Variants in NRG3 observed in about 807,000 individuals in gnomAD.
NRG3 encodes neuregulin 3.
A neutral mutation model predicts 66.9 loss-of-function variants in NRG3; 31 were observed. The ratio of observed to expected loss-of-function variants is 0.46; its 90% confidence interval spans 0.35 to 0.63. The LOEUF is 0.63. Ranked by LOEUF, NRG3 falls within the 20% of genes least tolerant of loss-of-function variation. The probability of loss-of-function intolerance (pLI) is 0.00; values close to 1 mark genes in which losing one functional copy is unlikely to be tolerated. For synonymous variants in NRG3, 393 were observed against 359.4 expected, an observed-to-expected ratio of 1.09 and a Z score of -1.06; for missense variants, 910 against 878.9, an observed-to-expected ratio of 1.04 and a Z score of -0.45.
chr10:82,385,761 A>G lies in NRG3; in HGVS notation c.953+26893A>G, dbSNP rs141809453. ...ATACAAATTTTGTTTACAAATATTT[A>G]GTAAGGTGTGTTTATAAAATGGGTT... On this transcript the variant is annotated intron_variant, in intron 2 of 8. Coordinates refer to ENST00000372141, the MANE Select transcript of NRG3 (RefSeq NM_001010848.4). Among the ~76,000 whole-genome samples, 383 of 152,308 alleles carry G rather than the reference A, an allele frequency of 2.5e-3. 11 individuals carry two copies. The East Asian group carries it at 0.058, about 23-fold the overall frequency.
rs570386520 is a variant in NRG3 at position 82,046,300 on chromosome 10, A to G, written c.823+170137A>G. On this transcript the variant is annotated intron_variant, in intron 1 of 8. Coordinates refer to ENST00000372141, the MANE Select transcript of NRG3 (RefSeq NM_001010848.4). ...GTCCTTCATGTCCCTTGTAAATTGG[A>G]TTCCTAGGTATTATATTCTCTTTGA... 1.2e-3 allele frequency among the ~76,000 whole-genome samples: 59 copies of G among 48,768 alleles called. 7 individuals are homozygous for G. The highest frequency in any genetic ancestry group is 2.5e-3 in the African/African-American group (59 of 23,440). The allele number at this position is 48,768 out of a possible 152,430, so 32.0% of individuals were successfully genotyped here. A position where few individuals can be genotyped will look rare whatever the true frequency, so the allele number is the denominator to read the frequency against.
intron 4 of NRG3, among the ~76,000 whole-genome samples, chr10:82,922,546 C>T (rs1303416294): frequency 6.6e-6 from 1 of 152,158 alleles, no homozygotes; most frequent in African/African-American, 2.4e-5. Flanking sequence ...GACCCACCCT[C>T]ATCTTGATAA....
intron 2 of NRG3, among the ~76,000 whole-genome samples, chr10:82,464,991 T>C (rs527532612): frequency 6.6e-6 from 1 of 152,264 alleles, no homozygotes; most frequent in African/African-American, 2.4e-5. Context: ...GCTGCCTGCA[T>C]TGATGGGTCC....
Position 82,910,196 on chromosome 10 carries a change from A to G in NRG3, c.1055-41273A>G, listed in dbSNP as rs141465429. 2.6e-3 allele frequency among the ~76,000 whole-genome samples: 402 copies of G among 152,378 alleles called. 2 individuals carry two copies. The highest frequency in any genetic ancestry group is 9.1e-3 in the African/African-American group (380 of 41,592). ...AAAGACAAATTTGTAAAGACTTGTGATAAATCATCTGCTTATCATGAAGCA... is the reference window on the plus strand; with the variant it reads ...AAAGACAAATTTGTAAAGACTTGTGGTAAATCATCTGCTTATCATGAAGCA... On this transcript the variant is annotated intron_variant, in intron 4 of 8. Coordinates refer to ENST00000372141, the MANE Select transcript of NRG3 (RefSeq NM_001010848.4).
chr10:82,484,103 A>G (rs145512077), intron 2 of NRG3, among the ~76,000 whole-genome samples: 1 of 152,314 alleles, frequency 6.6e-6, no homozygotes, highest in East Asian at 1.9e-4. Flanking sequence ...AAACAGTGTA[A>G]TGATTTAAAA....
At chr10:82,210,021 T>C (rs1373640153) in intron 1 of NRG3, among the ~76,000 whole-genome samples, 4 of 152,116 alleles carry the variant, frequency 2.6e-5, no homozygotes, top group African/African-American at 9.7e-5. Context: ...CAAGGAAGGG[T>C]AGGATCAGCA....
intron 4 of NRG3, among the ~76,000 whole-genome samples, chr10:82,950,155 G>T (rs895180397): frequency 1.1e-4 from 17 of 152,130 alleles, no homozygotes; most frequent in African/African-American, 3.9e-4. Flanking sequence ...AGGCTCCAAG[G>T]TGACTCCAGT....
At chr10:82,079,893 G>C (rs2065294948) in intron 1 of NRG3, among the ~76,000 whole-genome samples, 1 of 152,226 alleles carries the variant, frequency 6.6e-6, no homozygotes, top group East Asian at 1.9e-4. Context: ...TTGCTTCCAA[G>C]TTTTGGGAAC....
intron 1 of NRG3, among the ~76,000 whole-genome samples, chr10:82,351,348 C>A (rs1031486145): frequency 1.3e-5 from 2 of 152,192 alleles, no homozygotes; most frequent in Non-Finnish European, 2.9e-5. Context: ...TACACCATCC[C>A]CACCGTGGAT....
In NRG3 at chr10:82,985,110, T is replaced by C; in HGVS notation, c.1596T>C (p.Ser532=). The C allele has an allele frequency of 6.2e-7, 1 of 1,613,554 alleles. No homozygotes were observed. The highest frequency in any genetic ancestry group is 8.5e-7 in the Non-Finnish European group (1 of 1,179,770). ...GTTTCTTTTTCAGGTATTCATCCAG[T>C]GGTTTAAAAACCCAACGAAATACAT... ...DTIPCQGYSS[S]GLKTQRNTSI... The change falls in exon 9 of 9, where the codon AGT becomes AGC. Residue 532 remains serine, a synonymous_variant. Coordinates refer to ENST00000372141, the MANE Select transcript of NRG3 (RefSeq NM_001010848.4).
intron 1 of NRG3, among the ~76,000 whole-genome samples, chr10:82,025,997 A>C: frequency 6.6e-6 from 1 of 152,080 alleles, no homozygotes; most frequent in East Asian, 1.9e-4. Context: ...AACAGGGGGA[A>C]ATCACTGTAG....
At chr10:82,102,401 A>C (rs1452256498) in intron 1 of NRG3, among the ~76,000 whole-genome samples, 2 of 150,944 alleles carry the variant, frequency 1.3e-5, no homozygotes, top group African/African-American at 2.4e-5. Context: ...GCCTTTTTTT[A>C]ATGAAATCTG....
chr10:82,665,767 T>G (rs928877715), intron 2 of NRG3, among the ~76,000 whole-genome samples: 4 of 152,184 alleles, frequency 2.6e-5, no homozygotes, highest in African/African-American at 9.7e-5. Flanking sequence ...ACATGAAATC[T>G]CAACAATATT....
chr10:82,699,289 C>A (rs28464927), intron 2 of NRG3, among the ~76,000 whole-genome samples: 5 of 137,824 alleles, frequency 3.6e-5, no homozygotes, highest in African/African-American at 8.1e-5. Flanking sequence ...GCAAGGGAGG[C>A]AGGGAGGGAG....
In NRG3 at chr10:82,396,232, AT is replaced by A. The variant is rs375717648; in HGVS notation, c.953+37372del. Among the ~76,000 whole-genome samples, 99 of 151,840 alleles carry A rather than the reference AT, an allele frequency of 6.5e-4. 1 individual carries two copies. In the South Asian group the frequency reaches 0.015, roughly 23 times the overall value. Reference sequence around the variant, plus strand: ...TGTCCTCCCTCGCTGCCTCTGGAACATTTTTTTTCATCCTTCTTGTCACTAC... The same window carrying A: ...TGTCCTCCCTCGCTGCCTCTGGAACATTTTTTTCATCCTTCTTGTCACTAC... On this transcript the variant is annotated intron_variant, in intron 2 of 8. Transcript: ENST00000372141.
rs547322173 is a variant in NRG3, at chr10:82,019,765, T to G, written c.823+143602T>G. ...ATTCTCTGATGGTAGTTTGTATTTC[T>G]GTGGGATCGGTGGTGATATCTCCTT... On this transcript the variant is annotated intron_variant, in intron 1 of 8. Coordinates refer to ENST00000372141, the MANE Select transcript of NRG3 (RefSeq NM_001010848.4). Among the ~76,000 whole-genome samples, 3 of 152,332 alleles carry G rather than the reference T, an allele frequency of 2.0e-5. No individual in the cohort carries two copies. The East Asian group carries it at 5.8e-4, about 29-fold the overall frequency.
intron 2 of NRG3, among the ~76,000 whole-genome samples, chr10:82,601,062 A>G (rs1413243493): frequency 6.6e-6 from 1 of 152,086 alleles, no homozygotes; most frequent in African/African-American, 2.4e-5. Context: ...TTCTGTTTCT[A>G]TGTCAGTTCA....
intron 4 of NRG3, among the ~76,000 whole-genome samples, chr10:82,888,118 T>C (rs1842867554): frequency 6.6e-6 from 1 of 152,188 alleles, no homozygotes. Flanking sequence ...TTATTTTCCT[T>C]GTCTAAATGG....
At chr10:82,574,598 T>A (rs1479499274) in intron 2 of NRG3, among the ~76,000 whole-genome samples, 1 of 151,814 alleles carries the variant, frequency 6.6e-6, no homozygotes, top group East Asian at 1.9e-4. Flanking sequence ...AATACACAGA[T>A]TGGATCATAA....
Sources: allele counts gnomAD v4.1 joint callset (sites outside exome capture counted in the v4.1 genomes callset), GRCh38; gene constraint gnomAD v4.1.1; transcripts MANE v1.5; gene names NCBI Gene and HGNC (gene_info 2026-07-23, HGNC 2026-07-21).